The following ALDH1A2 variants were observed in gnomAD, a reference collection of about 807,000 sequenced individuals.
ALDH1A2 encodes retinal dehydrogenase 2.
Under a neutral mutation model 60.3 loss-of-function variants are expected in ALDH1A2, and 27 were observed. The observed-to-expected ratio is 0.45, with a 90% CI of 0.33 to 0.62. ALDH1A2 has a LOEUF of 0.62. Ranked by LOEUF, ALDH1A2 falls within the 20% of genes least tolerant of loss-of-function variation. The pLI is 0.02. For missense variants in ALDH1A2, 581 were observed against 643.8 expected (o/e 0.90, Z 1.06); for synonymous variants, 289 against 232.4 (o/e 1.24, Z -2.21).
At chr15:58,048,563 C>T (rs1309346875) in intron 1 of ALDH1A2, among the ~76,000 whole-genome samples, 2 of 151,982 alleles carry the variant, frequency 1.3e-5, no homozygotes, top group African/African-American at 4.8e-5. Context: ...TGCCCCTTTC[C>T]CAGAATGATG....
chr15:58,014,113 T>C, intron 2 of ALDH1A2, 64 bp downstream of exon 2: 6 of 1,614,010 alleles, frequency 3.7e-6, no homozygotes, highest in Non-Finnish European at 5.1e-6. Flanking sequence ...AGAGCATATG[T>C]TTGCTGCTCT....
At position 57,961,262 on chromosome 15, in the gene ALDH1A2, A is replaced by T. The variant is rs1893710403; in HGVS notation, c.1284T>A (p.Phe428Leu). The part of the protein sequence containing the change: ...IFGPVQEILR[F>L]KTMDEVIERA... ...TTTCGATAACTTCATCCATCGTCTT[A>T]AATCTCAAAATTTCCTGAACAGGGC... The change falls in exon 11 of 13, where the codon TTT becomes TTA. Residue 428 changes from phenylalanine to leucine, a missense_variant. Coordinates refer to ENST00000249750, the MANE Select transcript of ALDH1A2 (RefSeq NM_003888.4). 1 of 1,614,094 alleles carries T rather than the reference A, an allele frequency of 6.2e-7. No homozygotes were observed. Among genetic ancestry groups the T allele is most frequent in the East Asian group, 2.2e-5 (1 of 44,884 alleles).
At chr15:57,999,707 T>C (rs1265266478) in intron 4 of ALDH1A2, among the ~76,000 whole-genome samples, 1 of 152,032 alleles carries the variant, frequency 6.6e-6, no homozygotes, top group Non-Finnish European at 1.5e-5. Flanking sequence ...GCAGTCCCAT[T>C]ACTGAGTATA....
rs139492873 is a variant in ALDH1A2 at position 58,037,417 on chromosome 15, C to T, written c.118-23136G>A. 2.6e-4 allele frequency among the ~76,000 whole-genome samples: 40 copies of T among 151,566 alleles called. 1 individual carries two copies. The East Asian group carries it at 5.9e-3, about 22-fold the overall frequency. On this transcript the variant is annotated intron_variant, in intron 1 of 12. Transcript: ENST00000249750. The stretch of plus-strand genomic sequence containing the variant: ...CCAAGGAAAATAAATACTGACAGGG[C>T]TAAGAGAAAGAAGTGGAACTCATCT...
chr15:58,032,377 G>C (rs1456983042), intron 1 of ALDH1A2, among the ~76,000 whole-genome samples: 1 of 152,076 alleles, frequency 6.6e-6, no homozygotes, highest in Non-Finnish European at 1.5e-5. Flanking sequence ...AGGGGGTAGG[G>C]ATAGCATTAG....
At chr15:57,987,352 A>C (rs549357325) in intron 7 of ALDH1A2, among the ~76,000 whole-genome samples, 14 of 152,332 alleles carry the variant, frequency 9.2e-5, no homozygotes, top group African/African-American at 2.6e-4. Context: ...AAATACACAA[A>C]AGTACATCAC....
Position 57,955,093 on chromosome 15 carries a change from G to T in ALDH1A2, c.*104C>A. 1 of 1,229,232 alleles carries T rather than the reference G, an allele frequency of 8.1e-7. No homozygotes were observed. The highest frequency in any genetic ancestry group is 1.2e-6 in the Non-Finnish European group (1 of 828,982). 76.1% of individuals were successfully genotyped at this position (1,229,232 alleles called of 1,614,324 possible). A position where few individuals can be genotyped will look rare whatever the true frequency, so the allele number is the denominator to read the frequency against. ...TACATGTTATCTTTTCAATCTTTAA[G>T]TAAGGACCGTGGCTCAACTTTGTAT... On this transcript the variant is annotated 3_prime_UTR_variant, in exon 13 of 13. Transcript: ENST00000249750.
At position 58,016,073 on chromosome 15, in the gene ALDH1A2, A is replaced by C. The variant is rs758811775; in HGVS notation, c.118-1792T>G. ...GTCTTACCCATGTCCCTATCCTTTT[A>C]TTCACCATGTGACTGAATCAAACTT... is the stretch of plus-strand genomic sequence containing the variant. On this transcript the variant is annotated intron_variant, in intron 1 of 12. Coordinates refer to ENST00000249750, the MANE Select transcript of ALDH1A2 (RefSeq NM_003888.4). Among the ~76,000 whole-genome samples, 6 of 151,572 alleles carry C rather than the reference A, an allele frequency of 4.0e-5. 1 individual carries two copies. Among genetic ancestry groups the C allele is most frequent in the Non-Finnish European group, 8.8e-5 (6 of 67,948 alleles).
intron 12 of ALDH1A2, among the ~76,000 whole-genome samples, chr15:57,960,041 T>C (rs1182108276): frequency 1.3e-5 from 2 of 152,210 alleles, no homozygotes; most frequent in African/African-American, 4.8e-5. Context: ...CAAATCCCTG[T>C]AGCAGATCAT....
intron 4 of ALDH1A2, among the ~76,000 whole-genome samples, chr15:57,997,797 C>T (rs1302974830): frequency 6.6e-6 from 1 of 151,978 alleles, no homozygotes; most frequent in Non-Finnish European, 1.5e-5. Context: ...TTAAAACTCT[C>T]TTGGATAAAC....
At chr15:57,973,055 C>T (rs1894123598) in intron 7 of ALDH1A2, among the ~76,000 whole-genome samples, 1 of 152,194 alleles carries the variant, frequency 6.6e-6, no homozygotes. Context: ...TAGCTACAAA[C>T]ATTTGTTTGG....
intron 1 of ALDH1A2, among the ~76,000 whole-genome samples, chr15:58,058,468 CAA>C (rs1188637852): frequency 7.2e-4 from 17 of 23,592 alleles, no homozygotes; most frequent in African/African-American, 1.1e-3. Context: ...AAATGATATT[CAA>C]AAAAAAAAAA....
At chr15:58,038,838 G>C (rs1165626532) in intron 1 of ALDH1A2, among the ~76,000 whole-genome samples, 2 of 151,684 alleles carry the variant, frequency 1.3e-5, no homozygotes, top group Non-Finnish European at 2.9e-5. Flanking sequence ...ACTGTAAACT[G>C]AGCACATTTA....
chr15:58,023,903 C>T (rs1259626809), intron 1 of ALDH1A2, among the ~76,000 whole-genome samples: 2 of 152,048 alleles, frequency 1.3e-5, no homozygotes, highest in Non-Finnish European at 2.9e-5. Flanking sequence ...ACCAGCCTGA[C>T]CAAATCATGG....
In ALDH1A2 at chr15:58,010,779, C is replaced by G. The variant is rs1358725508; in HGVS notation, c.364-1G>C. On this transcript the variant is annotated splice_acceptor_variant, in intron 3 of 12. Transcript: ENST00000249750. LOFTEE classifies it high-confidence loss of function. Reference sequence around the variant, plus strand: ...TGCCACCATTTAGGGATTCCATGGTCTGTTGGAAGAGAAATGGAGAGATAC... The same window carrying G: ...TGCCACCATTTAGGGATTCCATGGTGTGTTGGAAGAGAAATGGAGAGATAC... The G allele has an allele frequency of 6.2e-7, 1 of 1,613,008 alleles. No homozygotes were observed. The highest frequency in any genetic ancestry group is 8.5e-7 in the Non-Finnish European group (1 of 1,179,234).
intron 7 of ALDH1A2, among the ~76,000 whole-genome samples, chr15:57,977,396 A>T (rs1372533300): frequency 6.6e-6 from 1 of 152,120 alleles, no homozygotes; most frequent in Non-Finnish European, 1.5e-5. Context: ...TAAGTCTTTA[A>T]TCCATCTTTA....
intron 12 of ALDH1A2, among the ~76,000 whole-genome samples, chr15:57,955,751 T>TC (rs3832978): frequency 0.12 from 15,956 of 128,076 alleles, 946 homozygotes; most frequent in African/African-American, 0.17. Flanking sequence ...TGTGCTTTCC[T>TC]CCCCCAAGAC....
intron 1 of ALDH1A2, among the ~76,000 whole-genome samples, chr15:58,035,271 C>T (rs139586718): frequency 2.6e-5 from 4 of 151,594 alleles, no homozygotes; most frequent in Non-Finnish European, 5.9e-5. Flanking sequence ...TATTCTTCTA[C>T]TGTCCGTGGC....
At chr15:57,979,967 G>A (rs1020917741) in intron 7 of ALDH1A2, 9 of 351,410 alleles carry the variant, frequency 2.6e-5, no homozygotes, top group South Asian at 5.7e-5. Flanking sequence ...ATGTGCTGCC[G>A]CGTCCCAGGA....
Sources: allele counts gnomAD v4.1 joint callset (sites outside exome capture counted in the v4.1 genomes callset), GRCh38; gene constraint gnomAD v4.1.1; transcripts MANE v1.5; gene names NCBI Gene and HGNC (gene_info 2026-07-23, HGNC 2026-07-21).